Variants in UGGT1 observed in about 807,000 individuals in gnomAD.
UGGT1 encodes the protein UDP-glucose glycoprotein glucosyltransferase 1.
A neutral mutation model predicts 203.9 loss-of-function variants in UGGT1; 107 were observed. The ratio of observed to expected loss-of-function variants is 0.52; its 90% confidence interval spans 0.45 to 0.62. The LOEUF is 0.62. Among genes scored for constraint, UGGT1 ranks in the 20% least tolerant of loss-of-function variants. The pLI is 0.00. For synonymous variants in UGGT1, 628 were observed against 653.5 expected (o/e 0.96, Z 0.59); for missense variants, 1,673 against 1,867.2 (o/e 0.90, Z 1.92).
At chr2:128,182,042 G>T in intron 36 of UGGT1, 88 bp from the exon 37 acceptor site, 1 of 1,368,728 alleles carries the variant, frequency 7.3e-7, no homozygotes, top group East Asian at 2.3e-5. Flanking sequence ...CTTCCATGCT[G>T]CCTTAAGCGA....
intron 15 of UGGT1, among the ~76,000 whole-genome samples, chr2:128,138,182 G>A (rs1276595986): frequency 6.6e-6 from 1 of 152,152 alleles, no homozygotes; most frequent in African/African-American, 2.4e-5. Flanking sequence ...TGCTTTAACA[G>A]TAGAAAGGCC....
chr2:128,183,655 A>T lies in UGGT1; in HGVS notation c.4245-20A>T. On this transcript the variant is annotated intron_variant, in intron 37 of 40. Transcript: ENST00000259253. ...TCGTAATCCATGGTTGGTTGTAACA[A>T]GCGGGTCTTCTTTATTCAGTGCACT... 6.3e-7 allele frequency: 1 copy of T among 1,585,098 alleles called. No individual in the cohort carries two copies. Among genetic ancestry groups the T allele is most frequent in the Non-Finnish European group, 8.7e-7 (1 of 1,154,410 alleles).
In UGGT1 at chr2:128,182,243, G is replaced by A. The variant is rs1699; in HGVS notation, c.4197G>A (p.Lys1399=). Residue 1399 remains lysine, a synonymous_variant, in exon 37 of 41, where the codon AAG becomes AAA. Coordinates refer to ENST00000259253, the MANE Select transcript of UGGT1 (RefSeq NM_020120.4). ...AAATGGACGGCTACAGGTTCTGGAAGTCAGGGTACTGGGCCAGTCATTTAG... is the reference window on the plus strand; with the variant it reads ...AAATGGACGGCTACAGGTTCTGGAAATCAGGGTACTGGGCCAGTCATTTAG... ...RREMDGYRFW[K]SGYWASHLAG... The A allele has an allele frequency of 0.43, 698,936 of 1,612,698 alleles. 153,608 individuals carry two copies. The highest frequency in any genetic ancestry group is 0.57 in the South Asian group (51,435 of 91,006).
intron 24 of UGGT1, 88 bp downstream of exon 24, chr2:128,160,679 G>A: frequency 1.3e-6 from 2 of 1,488,364 alleles, no homozygotes; most frequent in South Asian, 2.7e-5. Flanking sequence ...TCTTCAGACA[G>A]AGCCACTCTT....
intron 28 of UGGT1, 151 bp downstream of exon 28, chr2:128,171,435 A>C: frequency 1.4e-6 from 1 of 711,618 alleles, no homozygotes; most frequent in Non-Finnish European, 2.3e-6. Flanking sequence ...ATTTCATTCT[A>C]ATCAGAAGTT....
rs375888471 is a variant in UGGT1 at position 128,159,662 on chromosome 2, A to G, written c.2504A>G (p.Lys835Arg). Reference sequence around the variant, plus strand: ...AAGAACTTCATCACCAAAATGGCCAAGGAGGGGGCTGCAGAGGCCCTGGCT... The same window carrying G: ...AAGAACTTCATCACCAAAATGGCCAGGGAGGGGGCTGCAGAGGCCCTGGCT... The part of the protein sequence containing the change: ...AAKNFITKMA[K>R]EGAAEALAAG... The change falls in exon 23 of 41, where the codon AAG (lysine) becomes AGG (arginine). Residue 835 changes from lysine to arginine, a missense_variant. Lys to Arg is a conservative substitution (Grantham distance 26). Transcript: ENST00000259253. 2.2e-5 allele frequency: 36 copies of G among 1,614,154 alleles called. No individual in the cohort carries two copies. Among genetic ancestry groups the G allele is most frequent in the Admixed American group, 2.0e-4 (12 of 60,020 alleles).
At chr2:128,169,133 A>G (rs1022202108) in intron 26 of UGGT1, among the ~76,000 whole-genome samples, 1 of 140,490 alleles carries the variant, frequency 7.1e-6, no homozygotes, top group Non-Finnish European at 1.5e-5. Context: ...TGCTTTGAGA[A>G]GCCAAGGCAG....
At chr2:128,177,800 C>T in intron 32 of UGGT1, 32 bp from the exon 33 acceptor site, 1 of 1,557,692 alleles carries the variant, frequency 6.4e-7, no homozygotes, top group Non-Finnish European at 8.7e-7. Flanking sequence ...GTGAGACATA[C>T]TGGGAGTAAG....
intron 8 of UGGT1, among the ~76,000 whole-genome samples, chr2:128,117,985 TGTGTGTGTGAGAGAGAGAGA>T (rs1688204417): frequency 6.9e-6 from 1 of 144,484 alleles, no homozygotes; most frequent in African/African-American, 2.7e-5. Flanking sequence ...TGTCTGTGTG[TGTGTGTGTGAGAGAGAGAGA>T]GAGAGAGAGA....
intron 18 of UGGT1, among the ~76,000 whole-genome samples, chr2:128,151,908 A>G (rs1439191808): frequency 1.3e-5 from 2 of 152,366 alleles, no homozygotes; most frequent in Middle Eastern, 3.4e-3. Flanking sequence ...ACTTTAAAGT[A>G]TACCTGTGTG....
At chr2:128,099,817 C>CT (rs774341462) in intron 2 of UGGT1, among the ~76,000 whole-genome samples, 1 of 152,184 alleles carries the variant, frequency 6.6e-6, no homozygotes, top group South Asian at 2.1e-4. Flanking sequence ...TGAAGTGGCT[C>CT]TTTTTTAAGA....
chr2:128,096,466 T>C (rs1460827718), intron 1 of UGGT1, among the ~76,000 whole-genome samples: 2 of 152,218 alleles, frequency 1.3e-5, no homozygotes, highest in Non-Finnish European at 2.9e-5. Flanking sequence ...CTTCAGCTTC[T>C]GGTAGTTTCA....
intron 26 of UGGT1, among the ~76,000 whole-genome samples, chr2:128,166,301 A>G (rs1177159509): frequency 6.6e-6 from 1 of 152,154 alleles, no homozygotes; most frequent in Non-Finnish European, 1.5e-5. Context: ...GTTTATTTAT[A>G]TGTTTGCATA....
chr2:128,116,983 T>C (rs1688131241), intron 8 of UGGT1, among the ~76,000 whole-genome samples: 2 of 152,318 alleles, frequency 1.3e-5, no homozygotes, highest in South Asian at 4.1e-4. Flanking sequence ...CAGGAAAAAA[T>C]GTATTTAAAA....
At chr2:128,104,247 T>C (rs1220450278) in intron 3 of UGGT1, among the ~76,000 whole-genome samples, 3 of 152,248 alleles carry the variant, frequency 2.0e-5, no homozygotes, top group Non-Finnish European at 4.4e-5. Context: ...CTTGTTTTTG[T>C]TCTATCGTGA....
At chr2:128,170,883 T>C (rs1249067699) in intron 27 of UGGT1, among the ~76,000 whole-genome samples, 1 of 152,232 alleles carries the variant, frequency 6.6e-6, no homozygotes, top group Non-Finnish European at 1.5e-5. Context: ...TTGGTATCTC[T>C]GTTTTTTCAT....
intron 2 of UGGT1, among the ~76,000 whole-genome samples, chr2:128,098,748 CAAA>C (rs60029946): frequency 7.4e-5 from 7 of 94,930 alleles, no homozygotes; most frequent in South Asian, 3.5e-4. Context: ...GACTCCGTCT[CAAA>C]AAAAAAAAAA....
chr2:128,124,771 GGTTTTTTTT>G (rs1255620976), intron 11 of UGGT1, among the ~76,000 whole-genome samples: 3 of 151,742 alleles, frequency 2.0e-5, no homozygotes, highest in Non-Finnish European at 4.4e-5. Flanking sequence ...AATTTTCAGG[GGTTTTTTTT>G]GTTCTTTTTA....
intron 7 of UGGT1, 98 bp downstream of exon 7, chr2:128,115,318 A>AGCATAC: frequency 1.8e-6 from 2 of 1,101,184 alleles, no homozygotes; most frequent in Non-Finnish European, 2.6e-6. Context: ...GTGTATGCTG[A>AGCATAC]ACCTGTGTTT....
Sources: gnomAD v4.1 joint callset for allele counts (sites outside exome capture counted in the v4.1 genomes callset) on GRCh38, gnomAD v4.1.1 for gene constraint, MANE v1.5 for transcripts, NCBI Gene and HGNC (gene_info 2026-07-23, HGNC 2026-07-21) for gene names.